FLRT2: variants seen among roughly 807,000 people sequenced by gnomAD.
FLRT2 encodes the protein fibronectin leucine rich transmembrane protein 2.
In FLRT2, 15 loss-of-function variants were observed where a neutral mutation model predicts 40.0. The ratio of observed to expected loss-of-function variants is 0.38; its 90% CI spans 0.25 to 0.58. The LOEUF is 0.58. FLRT2 is among the 20% of genes least tolerant of loss of function. The pLI is 0.71. For missense variants in FLRT2, 726 were observed against 840.0 expected (o/e 0.86, Z 1.68); for synonymous variants, 380 against 336.8 (o/e 1.13, Z -1.41).
In FLRT2 at chr14:85,535,899, T is replaced by G. The variant is rs1013523747; in HGVS notation, c.-377+5365T>G. ...TAGCATGGAAGGAATGCTGTTTTTT[T>G]TTTTTTTTTTTTTTTTTTTTTTGTT... On this transcript the variant is annotated intron_variant, in intron 1 of 1. Transcript: ENST00000330753. Among the ~76,000 whole-genome samples the G allele has an allele frequency of 5.4e-3, 344 of 64,284 alleles. 2 individuals are homozygous for G. Among genetic ancestry groups the G allele is most frequent in the Admixed American group, 7.4e-3 (42 of 5,652 alleles). The allele number at this position is 64,284 out of a possible 152,430, so 42.2% of individuals were successfully genotyped here.
At chr14:85,552,906 A>G (rs1455028193) in intron 1 of FLRT2, 2 of 152,042 alleles carry the variant, frequency 1.3e-5, no homozygotes, top group Non-Finnish European at 2.9e-5. Flanking sequence ...TCTCTGAAAA[A>G]TTTGCCAGCC....
intron 1 of FLRT2, among the ~76,000 whole-genome samples, chr14:85,574,789 T>G (rs1304358397): frequency 6.6e-6 from 1 of 152,228 alleles, no homozygotes; most frequent in East Asian, 1.9e-4. Context: ...ATGTGAGGTG[T>G]GTAAGAAATC....
rs535294367 is a variant in FLRT2, at chr14:85,621,122, T to A, written c.-376-17T>A. ...CTGCCTTTAACTGACCATTTCCTCT[T>A]TTCTTTCCTGCAACAGATTGCAGAT... On this transcript the variant is annotated splice_polypyrimidine_tract_variant and intron_variant, in intron 1 of 1. Coordinates refer to ENST00000330753, the MANE Select transcript of FLRT2 (RefSeq NM_013231.6). 1 of 209,676 alleles carries A rather than the reference T, an allele frequency of 4.8e-6. No homozygotes were observed. Among genetic ancestry groups the A allele is most frequent in the Admixed American group, 5.1e-5 (1 of 19,486 alleles). 13.0% of individuals were successfully genotyped at this position (209,676 alleles called of 1,614,324 possible).
chr14:85,532,185 T>G (rs988063507), intron 1 of FLRT2, among the ~76,000 whole-genome samples: 2 of 151,814 alleles, frequency 1.3e-5, no homozygotes, highest in Admixed American at 1.3e-4. Flanking sequence ...GCGGGGAGAG[T>G]TGAGCGGATC....
intron 1 of FLRT2, among the ~76,000 whole-genome samples, chr14:85,564,260 T>G (rs1452504857): frequency 5.3e-5 from 8 of 152,250 alleles, no homozygotes; most frequent in Admixed American, 3.3e-4. Flanking sequence ...TACTCGAATA[T>G]GTATTGCTTG....
Position 85,645,947 on chromosome 14 carries a change from G to A in FLRT2, c.*22450G>A, listed in dbSNP as rs1376778339. ...TATTTAGTGGCAGGTGGTGACAGTG[G>A]ATTTCTTCTCTTATGGAAAGGACAA... On this transcript the variant is annotated 3_prime_UTR_variant, in exon 2 of 2. Transcript: ENST00000330753. The A allele has an allele frequency of 1.3e-5, 2 of 150,556 alleles. 1 individual carries two copies. The highest frequency in any genetic ancestry group is 2.9e-5 in the Non-Finnish European group (2 of 67,898). 9.3% of individuals were successfully genotyped at this position (150,556 alleles called of 1,614,324 possible).
Position 85,623,106 on chromosome 14 carries a change from A to G in FLRT2, c.1592A>G (p.Gln531Arg). ...NGSNTASSHE[Q>R]TTSHSMGSPF... is the part of the protein sequence containing the mutation. ...AGCAACACAGCGTCCAGCCATGAGC[A>G]GACGACGTCCCACAGCATGGGCTCC... The change falls in exon 2 of 2, where the codon CAG becomes CGG. Residue 531 changes from glutamine (Q) to arginine (R), a missense_variant. Transcript: ENST00000330753. 1 of 1,612,574 alleles carries G rather than the reference A, an allele frequency of 6.2e-7. No individual in the cohort carries two copies. Among genetic ancestry groups the G allele is most frequent in the Non-Finnish European group, 8.5e-7 (1 of 1,179,054 alleles).
At chr14:85,561,423 G>A (rs1864075276) in intron 1 of FLRT2, 1 of 152,180 alleles carries the variant, frequency 6.6e-6, no homozygotes, top group Non-Finnish European at 1.5e-5. Flanking sequence ...TAAGGAATAA[G>A]CATGTGTATT....
chr14:85,567,598 G>T (rs976700359), intron 1 of FLRT2, among the ~76,000 whole-genome samples: 1 of 151,378 alleles, frequency 6.6e-6, no homozygotes, highest in South Asian at 2.1e-4. Context: ...ATTGTGAAAG[G>T]CTTAGAAGAG....
At chr14:85,557,851 C>T (rs991619369) in intron 1 of FLRT2, among the ~76,000 whole-genome samples, 1 of 148,996 alleles carries the variant, frequency 6.7e-6, no homozygotes, top group African/African-American at 2.5e-5. Context: ...AATTAATTAA[C>T]AAAAGCAAAC....
In FLRT2 at chr14:85,622,015, T is replaced by C. The variant is rs1402386471; in HGVS notation, c.501T>C (p.Ser167=). The change falls in exon 2 of 2, where the codon TCT becomes TCC. Residue 167 remains serine, a synonymous_variant. Coordinates refer to ENST00000330753, the MANE Select transcript of FLRT2 (RefSeq NM_013231.6). ...EAISLKLLFL[S]KNHLSSVPVG... is the part of the protein sequence containing the mutation. Reference sequence around the variant, plus strand: ...TTAGCCTCAAATTGTTGTTTTTGTCTAAGAATCACCTGAGCAGTGTGCCTG... The same window carrying C: ...TTAGCCTCAAATTGTTGTTTTTGTCCAAGAATCACCTGAGCAGTGTGCCTG... 2 of 1,610,846 alleles carry C rather than the reference T, an allele frequency of 1.2e-6. No individual in the cohort carries two copies. The highest frequency in any genetic ancestry group is 2.2e-5 in the South Asian group (2 of 90,518).
intron 1 of FLRT2, among the ~76,000 whole-genome samples, chr14:85,620,333 A>T (rs1893324198): frequency 6.6e-6 from 1 of 152,188 alleles, no homozygotes; most frequent in Admixed American, 6.5e-5. Context: ...AAAAATAATG[A>T]TTCCAATTTT....
rs1480429251 is a variant in FLRT2, at chr14:85,637,024, A to G, written c.*13527A>G. On this transcript the variant is annotated 3_prime_UTR_variant, in exon 2 of 2. Coordinates refer to ENST00000330753, the MANE Select transcript of FLRT2 (RefSeq NM_013231.6). The stretch of plus-strand genomic sequence containing the variant: ...AAAAAACACATTTTACAAAACAATA[A>G]TCTAAGTGGGCAAGTAAATACTGGT... 2 of 152,032 alleles carry G rather than the reference A, an allele frequency of 1.3e-5. No homozygotes were observed. The highest frequency in any genetic ancestry group is 2.4e-5 in the African/African-American group (1 of 41,410). 9.4% of individuals were successfully genotyped at this position (152,032 alleles called of 1,614,324 possible).
Position 85,645,128 on chromosome 14 carries a change from C to T in FLRT2, c.*21631C>T, listed in dbSNP as rs1894260897. 1 of 149,872 alleles carries T rather than the reference C, an allele frequency of 6.7e-6. No individual in the cohort carries two copies. The highest frequency in any genetic ancestry group is 2.5e-5 in the African/African-American group (1 of 40,042). 9.3% of individuals were successfully genotyped at this position (149,872 alleles called of 1,614,324 possible). A position where few individuals can be genotyped will look rare whatever the true frequency, so the allele number is the denominator to read the frequency against. ...AAGTTGAGCTTGGGCAGCAGAACTC[C>T]TACATCAAGTAAAAAGTATATATAT... On this transcript the variant is annotated 3_prime_UTR_variant, in exon 2 of 2. Transcript: ENST00000330753.
At chr14:85,580,916 C>T (rs1412848375) in intron 1 of FLRT2, among the ~76,000 whole-genome samples, 4 of 152,082 alleles carry the variant, frequency 2.6e-5, no homozygotes, top group African/African-American at 9.7e-5. Flanking sequence ...GGTGTACATC[C>T]TAGGCATTCC....
chr14:85,555,659 C>T (rs1210926584), intron 1 of FLRT2, among the ~76,000 whole-genome samples: 1 of 145,230 alleles, frequency 6.9e-6, no homozygotes, highest in East Asian at 2.0e-4. Flanking sequence ...CCGTATCAAG[C>T]AGTTTAACTA....
At chr14:85,543,847 C>G (rs1889120231) in intron 1 of FLRT2, among the ~76,000 whole-genome samples, 1 of 152,174 alleles carries the variant, frequency 6.6e-6, no homozygotes, top group South Asian at 2.1e-4. Flanking sequence ...TTTCTCTGGG[C>G]TTCTACAGAG....
chr14:85,588,228 T>C (rs951042323), intron 1 of FLRT2, among the ~76,000 whole-genome samples: 1 of 152,158 alleles, frequency 6.6e-6, no homozygotes, highest in South Asian at 2.1e-4. Flanking sequence ...TCTCCTCACA[T>C]CTTGTTAAGT....
At chr14:85,607,434 T>C (rs990008497) in intron 1 of FLRT2, among the ~76,000 whole-genome samples, 2 of 152,226 alleles carry the variant, frequency 1.3e-5, no homozygotes, top group Non-Finnish European at 2.9e-5. Flanking sequence ...TTTTTGTTAA[T>C]GGATTGTCAT....
Sources: allele counts gnomAD v4.1 joint callset (sites outside exome capture counted in the v4.1 genomes callset), GRCh38; gene constraint gnomAD v4.1.1; transcripts MANE v1.5; gene names NCBI Gene and HGNC (gene_info 2026-07-23, HGNC 2026-07-21).